Variants in SANBR observed in about 807,000 individuals in gnomAD.
The protein encoded by SANBR is SANT and BTB domain regulator of CSR.
Under a neutral mutation model 101.8 loss-of-function variants are expected in SANBR, and 77 were observed. The observed-to-expected ratio is 0.76, with a 90% CI of 0.63 to 0.91. The LOEUF (loss-of-function observed/expected upper bound fraction) is 0.91. Ranked by LOEUF, SANBR falls within the 40% of genes least tolerant of loss-of-function variation. The pLI is 0.00. For missense variants in SANBR, 875 were observed against 853.0 expected (o/e 1.03, Z -0.32); for synonymous variants, 279 against 274.7 (o/e 1.02, Z -0.15).
chr2:61,136,271 T>C (rs928670930), intron 21 of SANBR, among the ~76,000 whole-genome samples: 14 of 147,776 alleles, frequency 9.5e-5, no homozygotes, highest in Middle Eastern at 3.6e-3. Flanking sequence ...ACCACTGTAC[T>C]CCAGCCTGGG....
At chr2:61,112,195 C>T (rs1419869403) in intron 16 of SANBR, among the ~76,000 whole-genome samples, 1 of 152,224 alleles carries the variant, frequency 6.6e-6, no homozygotes, top group Non-Finnish European at 1.5e-5. Context: ...GCATTCCCAC[C>T]AGTAGTGTAT....
intron 13 of SANBR, 66 bp from the exon 14 acceptor site, chr2:61,106,497 A>T: frequency 9.3e-7 from 1 of 1,071,812 alleles, no homozygotes; most frequent in Non-Finnish European, 1.4e-6. Context: ...TGTAATAAAA[A>T]GATATTCACA....
intron 10 of SANBR, 25 bp downstream of exon 10, chr2:61,088,493 A>C (rs746508727): frequency 1.4e-6 from 2 of 1,403,298 alleles, no homozygotes; most frequent in Non-Finnish European, 2.0e-6. Context: ...AAATACATAC[A>C]TGTATTTTTG....
chr2:61,106,539 G>T (rs555637032), intron 13 of SANBR, 24 bp from the exon 14 acceptor site: 7 of 1,452,414 alleles, frequency 4.8e-6, no homozygotes, highest in East Asian at 4.6e-5. Context: ...ACTCTTCTCC[G>T]TAAAAATGTC....
At position 61,117,918 on chromosome 2, in the gene SANBR, A is replaced by G. The variant is rs549108154; in HGVS notation, c.1940-110A>G. ...ATATAGATGTATGTGTCTGTAAAATAGTATCAAAGGATATTTTCATAAACC... is the reference window on the plus strand; with the variant it reads ...ATATAGATGTATGTGTCTGTAAAATGGTATCAAAGGATATTTTCATAAACC... On this transcript the variant is annotated intron_variant, in intron 19 of 21. Transcript: ENST00000402291. The G allele has an allele frequency of 2.8e-4, 217 of 782,168 alleles. No individual in the cohort carries two copies. The African/African-American group carries it at 3.5e-3, about 13-fold the overall frequency. The allele number at this position is 782,168 out of a possible 1,614,324, so 48.5% of individuals were successfully genotyped here.
Position 61,070,440 on chromosome 2 carries a change from C to A in SANBR, c.90C>A (p.Ile30=), listed in dbSNP as rs759152395. Residue 30 remains isoleucine, a synonymous_variant, in exon 3 of 22, where the codon ATC becomes ATA. Coordinates refer to ENST00000402291, the MANE Select transcript of SANBR (RefSeq NM_001129993.3). ...LDMILYPLIG[I]PQTINWETIA... is the part of the protein sequence containing the mutation. ...TGATCCTTTATCCATTAATTGGAATCCCTCAGACTATCAACTGGGAAACTA... is the reference window on the plus strand; with the variant it reads ...TGATCCTTTATCCATTAATTGGAATACCTCAGACTATCAACTGGGAAACTA... 3.7e-6 allele frequency: 6 copies of A among 1,601,856 alleles called. No individual in the cohort carries two copies. The South Asian group carries it at 5.6e-5, about 15-fold the overall frequency.
intron 7 of SANBR, among the ~76,000 whole-genome samples, chr2:61,082,381 A>T (rs954037619): frequency 6.6e-6 from 1 of 152,220 alleles, no homozygotes; most frequent in Non-Finnish European, 1.5e-5. Flanking sequence ...CTTTTAAAGT[A>T]AATAAACATA....
chr2:61,098,048 A>G (rs1208592185), intron 12 of SANBR, among the ~76,000 whole-genome samples, 196 bp downstream of exon 12: 1 of 129,354 alleles, frequency 7.7e-6, no homozygotes, highest in Non-Finnish European at 1.6e-5. Flanking sequence ...TGTACCTTTC[A>G]GGCACAAATT....
intron 1 of SANBR, chr2:61,066,317 T>G (rs1681156551): frequency 6.5e-6 from 1 of 152,998 alleles, no homozygotes; most frequent in Admixed American, 6.5e-5. Context: ...GCCCCGGGCC[T>G]CTGCCCCGCC....
chr2:61,085,495 A>G (rs1409925893), intron 8 of SANBR, among the ~76,000 whole-genome samples: 2 of 151,606 alleles, frequency 1.3e-5, no homozygotes, highest in East Asian at 1.9e-4. Flanking sequence ...TCCTTGTATC[A>G]GTAGCACACT....
At chr2:61,072,232 C>T (rs935455722) in intron 4 of SANBR, among the ~76,000 whole-genome samples, 4 of 152,118 alleles carry the variant, frequency 2.6e-5, no homozygotes, top group African/African-American at 9.7e-5. Flanking sequence ...AGCTACTGCA[C>T]CTGGCCTGAA....
At position 61,122,293 on chromosome 2, in the gene SANBR, CA is replaced by C. The variant is rs1684363991; in HGVS notation, c.*132del. 32 of 1,308,146 alleles carry C rather than the reference CA, an allele frequency of 2.4e-5. No homozygotes were observed. In the South Asian group the frequency reaches 7.3e-4, roughly 30 times the overall value. 81.0% of individuals were successfully genotyped at this position (1,308,146 alleles called of 1,614,324 possible). On this transcript the variant is annotated 3_prime_UTR_variant, in exon 22 of 22. Coordinates refer to ENST00000402291, the MANE Select transcript of SANBR (RefSeq NM_001129993.3). ...TATTATTATTTTAATCCACATAAAT[CA>C]TAATTCTAAAAGAAATGCATAGTTA... is the stretch of plus-strand genomic sequence containing the variant.
chr2:61,085,188 A>G (rs1426129546), intron 8 of SANBR, among the ~76,000 whole-genome samples: 5 of 152,336 alleles, frequency 3.3e-5, no homozygotes, highest in East Asian at 3.9e-4. Context: ...ATTTGAAACC[A>G]TGGAACTGGA....
In SANBR at chr2:61,079,700, T is replaced by C. The variant is rs1431298251; in HGVS notation, c.671-1752T>C. ...ATGTGTGTAGTAAAGGTAAAAGAAA[T>C]GCAGCAAGCCTGGCCAACATGGTGA... On this transcript the variant is annotated intron_variant, in intron 6 of 21. Transcript: ENST00000402291. Among the ~76,000 whole-genome samples, 7 of 152,194 alleles carry C rather than the reference T, an allele frequency of 4.6e-5. No individual in the cohort carries two copies. The East Asian group carries it at 1.2e-3, about 25-fold the overall frequency.
chr2:61,083,359 G>T, intron 8 of SANBR, 45 bp downstream of exon 8: 1 of 1,123,148 alleles, frequency 8.9e-7, no homozygotes, highest in Non-Finnish European at 1.3e-6. Flanking sequence ...CCTGTTAAAA[G>T]AAATATATTT....
chr2:61,123,830 G>T lies in SANBR; in HGVS notation c.*1668G>T. 1 of 977,522 alleles carries T rather than the reference G, an allele frequency of 1.0e-6. No homozygotes were observed. The allele number at this position is 977,522 out of a possible 1,614,324, so 60.6% of individuals were successfully genotyped here. On this transcript the variant is annotated 3_prime_UTR_variant, in exon 22 of 22. Transcript: ENST00000402291. ...CTTTTGGCCAGGTGTAGTGGCTCAC[G>T]CCAGTAATCCCAGCACTTTGGGAGG... is the stretch of plus-strand genomic sequence containing the variant.
chr2:61,127,591 A>G (rs1684550264), downstream of SANBR, among the ~76,000 whole-genome samples: 1 of 152,232 alleles, frequency 6.6e-6, no homozygotes, highest in East Asian at 1.9e-4. Context: ...TGAGCATCTC[A>G]TAAGCTCACC....
intron 5 of SANBR, among the ~76,000 whole-genome samples, chr2:61,075,707 AATT>A: frequency 6.6e-6 from 1 of 152,026 alleles, no homozygotes; most frequent in East Asian, 1.9e-4. Flanking sequence ...TACATTTATT[AATT>A]TATATTTAAT....
At chr2:61,097,515 T>A (rs901446195) in intron 11 of SANBR, among the ~76,000 whole-genome samples, 185 bp from the exon 12 acceptor site, 1 of 152,198 alleles carries the variant, frequency 6.6e-6, no homozygotes, top group East Asian at 1.9e-4. Flanking sequence ...CATGCCCATT[T>A]GCTGCTATTC....
Sources: gnomAD v4.1 joint callset for allele counts (sites outside exome capture counted in the v4.1 genomes callset) on GRCh38, gnomAD v4.1.1 for gene constraint, MANE v1.5 for transcripts, NCBI Gene and HGNC (gene_info 2026-07-23, HGNC 2026-07-21) for gene names.